EIPR1: variants seen among roughly 807,000 people sequenced by gnomAD.
EIPR1 encodes EARP and GARP complex-interacting protein 1.
A neutral mutation model predicts 48.1 loss-of-function variants in EIPR1; 25 were observed. The ratio of observed to expected loss-of-function variants is 0.52; its 90% CI spans 0.38 to 0.73. The LOEUF (loss-of-function observed/expected upper bound fraction) is 0.73. Ranked by LOEUF, EIPR1 falls within the 30% of genes least tolerant of loss-of-function variation. EIPR1 has a pLI of 0.00. For missense variants in EIPR1, 415 were observed against 506.2 expected (o/e 0.82, Z 1.73); for synonymous variants, 204 against 201.9 (o/e 1.01, Z -0.09).
intron 4 of EIPR1, among the ~76,000 whole-genome samples, chr2:3,237,316 T>C (rs891125313): frequency 6.7e-6 from 1 of 149,566 alleles, no homozygotes; most frequent in African/African-American, 2.5e-5. Flanking sequence ...CTTTCCACAG[T>C]TGCAGTTACC....
chr2:3,245,774 T>G (rs1212256437), intron 4 of EIPR1, among the ~76,000 whole-genome samples: 4 of 152,192 alleles, frequency 2.6e-5, no homozygotes, highest in African/African-American at 9.7e-5. Context: ...CTTACAAGAA[T>G]CTGGGCCAGG....
Position 3,341,488 on chromosome 2 carries a change from T to G in EIPR1, c.127-3339A>C, listed in dbSNP as rs554498775. Among the ~76,000 whole-genome samples, 6 of 151,674 alleles carry G rather than the reference T, an allele frequency of 4.0e-5. No individual in the cohort carries two copies. The East Asian group carries it at 1.2e-3, about 30-fold the overall frequency. ...GCGTGGGAGTGCGTGTGTGGGAGCA[T>G]GGGTACGTGGTCTATGCATGTATGT... is the stretch of plus-strand genomic sequence containing the variant. On this transcript the variant is annotated intron_variant, in intron 2 of 8. Coordinates refer to ENST00000382125, the MANE Select transcript of EIPR1 (RefSeq NM_003310.5).
At chr2:3,342,125 A>G (rs1670269772) in intron 2 of EIPR1, among the ~76,000 whole-genome samples, 1 of 152,220 alleles carries the variant, frequency 6.6e-6, no homozygotes, top group African/African-American at 2.4e-5. Flanking sequence ...ATTTTGTGAA[A>G]TCTGCCCCAA....
chr2:3,340,204 G>A (rs1286741962), intron 2 of EIPR1, among the ~76,000 whole-genome samples: 1 of 152,184 alleles, frequency 6.6e-6, no homozygotes, highest in Non-Finnish European at 1.5e-5. Context: ...GTCACCCCAG[G>A]GAGTCATTCT....
At chr2:3,333,271 G>C (rs1216313992) in intron 3 of EIPR1, among the ~76,000 whole-genome samples, 2 of 152,254 alleles carry the variant, frequency 1.3e-5, no homozygotes, top group African/African-American at 4.8e-5. Flanking sequence ...CTGATTTGCA[G>C]AGATTCAGTG....
chr2:3,266,751 T>C (rs1213602616), intron 3 of EIPR1, among the ~76,000 whole-genome samples: 1 of 152,202 alleles, frequency 6.6e-6, no homozygotes, highest in Non-Finnish European at 1.5e-5. Flanking sequence ...ACAAGCATGA[T>C]GTGCCAATCA....
intron 1 of EIPR1, among the ~76,000 whole-genome samples, chr2:3,355,294 T>G (rs996493218): frequency 6.6e-6 from 1 of 152,132 alleles, no homozygotes. Context: ...GAGAAGAGCC[T>G]GTAAAGCACT....
At chr2:3,337,977 T>G (rs1558307641) in intron 3 of EIPR1, 40 bp downstream of exon 3, 1 of 1,563,684 alleles carries the variant, frequency 6.4e-7, no homozygotes, top group East Asian at 2.3e-5. Context: ...TACCTCCAGT[T>G]ACCTCCAGTT....
intron 3 of EIPR1, among the ~76,000 whole-genome samples, chr2:3,316,363 T>C (rs898153451): frequency 2.0e-5 from 3 of 150,738 alleles, no homozygotes; most frequent in South Asian, 4.3e-4. Flanking sequence ...CTGTTTACCA[T>C]GTTTTTGCAA....
rs1664527170 is a variant in EIPR1 at position 3,189,520 on chromosome 2, C to T, written c.990-12G>A. On this transcript the variant is annotated splice_polypyrimidine_tract_variant and intron_variant, in intron 8 of 8. Coordinates refer to ENST00000382125, the MANE Select transcript of EIPR1 (RefSeq NM_003310.5). This position sits in a 1 kb window ranked among gnomAD's most constrained non-coding sequence, Gnocchi z 4.6. ...GGGGCTCCTTGCTCCTGCAATGCAA[C>T]AGAGGCAGACGTGAGCGCAGCAGCT... 3.2e-6 allele frequency: 5 copies of T among 1,544,784 alleles called. No homozygotes were observed. The highest frequency in any genetic ancestry group is 3.5e-6 in the Non-Finnish European group (4 of 1,135,330).
intron 4 of EIPR1, among the ~76,000 whole-genome samples, chr2:3,235,462 A>ACACACC (rs34325654): frequency 0.01 from 1,517 of 151,644 alleles, 25 homozygotes; most frequent in African/African-American, 0.034. Context: ...ACACACACAC[A>ACACACC]CCCCCCAATA....
At chr2:3,239,469 C>G (rs2103182644) in intron 4 of EIPR1, among the ~76,000 whole-genome samples, 1 of 152,310 alleles carries the variant, frequency 6.6e-6, no homozygotes, top group East Asian at 1.9e-4. Context: ...AGTGTGCCGG[C>G]AGTTTTGTCT....
At chr2:3,313,948 C>T (rs1669205699) in intron 3 of EIPR1, among the ~76,000 whole-genome samples, 1 of 152,130 alleles carries the variant, frequency 6.6e-6, no homozygotes, top group African/African-American at 2.4e-5. Context: ...CCGGGGCTGT[C>T]CCCGAGCTGC....
chr2:3,265,213 T>C (rs1001735007), intron 3 of EIPR1, among the ~76,000 whole-genome samples: 24 of 89,720 alleles, frequency 2.7e-4, no homozygotes, highest in Admixed American at 2.0e-3. Flanking sequence ...GCAGGAGGTG[T>C]CTCTGGCATC....
chr2:3,294,359 C>A (rs1344774683), intron 3 of EIPR1, among the ~76,000 whole-genome samples: 5 of 148,674 alleles, frequency 3.4e-5, no homozygotes, highest in African/African-American at 1.3e-4. Flanking sequence ...CACACATACA[C>A]CCTCTATCCA....
At chr2:3,192,102 T>C (rs773553733) in intron 8 of EIPR1, among the ~76,000 whole-genome samples, 1 of 152,254 alleles carries the variant, frequency 6.6e-6, no homozygotes, top group South Asian at 2.1e-4. Context: ...ATTCGTTCTA[T>C]TATTATTCAT....
At chr2:3,365,383 G>C (rs1174752862) in intron 1 of EIPR1, among the ~76,000 whole-genome samples, 7 of 152,132 alleles carry the variant, frequency 4.6e-5, no homozygotes, top group Non-Finnish European at 8.8e-5. Context: ...GAAGCCGGGA[G>C]AGAGCTTGAG....
chr2:3,339,928 C>T (rs560372824), intron 2 of EIPR1, among the ~76,000 whole-genome samples: 17 of 152,316 alleles, frequency 1.1e-4, no homozygotes, highest in East Asian at 9.7e-4. Context: ...CCAGCCTGGG[C>T]GACAGAGCGA....
intron 5 of EIPR1, among the ~76,000 whole-genome samples, chr2:3,206,133 T>A (rs981708766): frequency 6.6e-6 from 1 of 152,140 alleles, no homozygotes; most frequent in Non-Finnish European, 1.5e-5. Context: ...AAGAGGATCT[T>A]GGGAGGGCTG....
Sources: allele counts gnomAD v4.1 joint callset (sites outside exome capture counted in the v4.1 genomes callset), GRCh38; gene constraint gnomAD v4.1.1; non-coding constraint Gnocchi (gnomAD v3.1); transcripts MANE v1.5; gene names NCBI Gene and HGNC (gene_info 2026-07-23, HGNC 2026-07-21).